The following PTGIR variants were observed in gnomAD, a reference collection of about 807,000 sequenced individuals.
PTGIR encodes the protein prostacyclin receptor.
A neutral mutation model predicts 17.6 loss-of-function variants in PTGIR; 16 were observed. The ratio of observed to expected loss-of-function variants is 0.91; its 90% confidence interval spans 0.61 to 1.38. The LOEUF (loss-of-function observed/expected upper bound fraction) is 1.38, where lower values mean the gene tolerates loss of function less well. Ranked by LOEUF, PTGIR falls within the 40% of genes most tolerant of loss-of-function variation. The pLI is 0.00. For synonymous variants in PTGIR, 274 were observed against 255.4 expected (o/e 1.07, Z -0.69); for missense variants, 532 against 548.6 (o/e 0.97, Z 0.30).
At chr19:46,615,784 G>A (rs1971953606), downstream of PTGIR, among the ~76,000 whole-genome samples, 1 of 150,902 alleles carries the variant, frequency 6.6e-6, no homozygotes, top group African/African-American at 2.4e-5. Flanking sequence ...GGGATTACAG[G>A]AGTGAGCCCC....
the PTGIR span, among the ~76,000 whole-genome samples, chr19:46,613,128 C>G: frequency 4.9e-5 from 7 of 143,372 alleles, no homozygotes; most frequent in Admixed American, 1.5e-4. Flanking sequence ...ACTGCAACCT[C>G]TGCCTCCCAG....
Position 46,621,149 on chromosome 19 carries a change from G to A in PTGIR, c.*131C>T. On this transcript the variant is annotated 3_prime_UTR_variant, in exon 3 of 3. Coordinates refer to ENST00000291294, the MANE Select transcript of PTGIR (RefSeq NM_000960.4). The surrounding 1 kb of genome is among the most constrained non-coding windows in gnomAD (Gnocchi z 4.8). The stretch of plus-strand genomic sequence containing the variant: ...CAGCAGCGACTGCCCTGCCGCAGGA[G>A]AAACAGCAGCTGATCGGCCCCAGAG... 1.4e-6 allele frequency: 2 copies of A among 1,381,646 alleles called. No homozygotes were observed. The highest frequency in any genetic ancestry group is 1.9e-6 in the Non-Finnish European group (2 of 1,064,430). The allele number at this position is 1,381,646 out of a possible 1,614,324, so 85.6% of individuals were successfully genotyped here.
chr19:46,613,887 C>A, the PTGIR span, among the ~76,000 whole-genome samples: 77 of 152,212 alleles, frequency 5.1e-4, no homozygotes, highest in African/African-American at 1.7e-3. Flanking sequence ...CACCGCATCC[C>A]GGTACCCATG....
chr19:46,623,453 C>T lies in PTGIR; in HGVS notation c.768+5G>A. 1 of 1,542,078 alleles carries T rather than the reference C, an allele frequency of 6.5e-7. No homozygotes were observed. The highest frequency in any genetic ancestry group is 8.8e-7 in the Non-Finnish European group (1 of 1,140,284). On this transcript the variant is annotated splice_donor_5th_base_variant and intron_variant, in intron 2 of 2. Coordinates refer to ENST00000291294, the MANE Select transcript of PTGIR (RefSeq NM_000960.4). ...CCACTCCTCCCAGCTCCGGAGGGGA[C>T]TCACCGTGAGAGGCAGGGAGCACAC... is the stretch of plus-strand genomic sequence containing the variant.
At chr19:46,620,275 AT>A (rs200991310), downstream of PTGIR, among the ~76,000 whole-genome samples, 1,340 of 152,058 alleles carry the variant, frequency 8.8e-3, 54 homozygotes, top group Admixed American at 0.062. Flanking sequence ...AATTTTTAAA[AT>A]TTTTTTGTAG....
downstream of PTGIR, among the ~76,000 whole-genome samples, chr19:46,616,522 T>C (rs569108902): frequency 2.1e-4 from 32 of 151,834 alleles, no homozygotes; most frequent in Non-Finnish European, 4.4e-4. Context: ...TTAGTAGAGA[T>C]GGGATTTCAC....
Position 46,624,092 on chromosome 19 carries a change from C to G in PTGIR, c.134G>C (p.Arg45Pro), listed in dbSNP as rs191058123. 2 of 1,539,768 alleles carry G rather than the reference C, an allele frequency of 1.3e-6. No homozygotes were observed. The highest frequency in any genetic ancestry group is 3.9e-5 in the Admixed American group (2 of 51,222). Residue 45 changes from arginine to proline, a missense_variant, in exon 2 of 3, where the codon CGC becomes CCC. Coordinates refer to ENST00000291294, the MANE Select transcript of PTGIR (RefSeq NM_000960.4). ...LGILSARRPA[R>P]PSAFAVLVTG... ...CACCAGCACCGCGAAGGCCGAGGGGCGCGCCGGTCGCCGTGCGCTCAGGAT... is the reference window on the plus strand; with the variant it reads ...CACCAGCACCGCGAAGGCCGAGGGGGGCGCCGGTCGCCGTGCGCTCAGGAT...
chr19:46,624,694 A>C (rs2052782662), intron 1 of PTGIR: 1 of 153,312 alleles, frequency 6.5e-6, no homozygotes, highest in Non-Finnish European at 1.4e-5. Flanking sequence ...ACCTCAGGTG[A>C]TCCATCCACC....
At chr19:46,623,402 C>T in intron 2 of PTGIR, 56 bp downstream of exon 2, 1 of 1,454,272 alleles carries the variant, frequency 6.9e-7, no homozygotes, top group Non-Finnish European at 9.1e-7. Context: ...ATGGGCACAA[C>T]CCACAGAGCT....
At position 46,623,676 on chromosome 19, in the gene PTGIR, A is replaced by G; in HGVS notation, c.550T>C (p.Phe184Leu). ...MRWAQPGGAA[F>L]SLAYAGLVAL... ...ACCAGGCCGGCGTAGGCCAGCGAGAAGGCGGCGCCGCCCGGCTGGGCCCAG... is the reference window on the plus strand; with the variant it reads ...ACCAGGCCGGCGTAGGCCAGCGAGAGGGCGGCGCCGCCCGGCTGGGCCCAG... The change falls in exon 2 of 3, where the codon TTC becomes CTC. Residue 184 changes from phenylalanine to leucine, a missense_variant. Physicochemically the swap from Phe to Leu is conservative, Grantham distance 22. Coordinates refer to ENST00000291294, the MANE Select transcript of PTGIR (RefSeq NM_000960.4). The G allele has an allele frequency of 6.4e-7, 1 of 1,550,472 alleles. No homozygotes were observed. The highest frequency in any genetic ancestry group is 8.7e-7 in the Non-Finnish European group (1 of 1,150,348).
chr19:46,620,775 C>T lies in PTGIR; in HGVS notation c.*505G>A, dbSNP rs200134615. 5.2e-5 allele frequency: 51 copies of T among 985,958 alleles called. No homozygotes were observed. The highest frequency in any genetic ancestry group is 8.7e-5 in the African/African-American group (5 of 57,244). The allele number at this position is 985,958 out of a possible 1,614,324, so 61.1% of individuals were successfully genotyped here. A position where few individuals can be genotyped will look rare whatever the true frequency, so the allele number is the denominator to read the frequency against. ...GCTCCCAAGCCTGGTGGGGGACCAG[C>T]GGCAAGGGAAGGCAGGGAGCTTTTC... On this transcript the variant is annotated 3_prime_UTR_variant, in exon 3 of 3. Coordinates refer to ENST00000291294, the MANE Select transcript of PTGIR (RefSeq NM_000960.4).
chr19:46,616,866 C>T (rs747518839), downstream of PTGIR, among the ~76,000 whole-genome samples: 17 of 152,222 alleles, frequency 1.1e-4, no homozygotes, highest in Non-Finnish European at 2.1e-4. Flanking sequence ...TACAGTAGTC[C>T]CTCAACAAGA....
In PTGIR at chr19:46,623,619, T is replaced by C; in HGVS notation, c.607A>G (p.Asn203Asp). 6.5e-7 allele frequency: 1 copy of C among 1,549,814 alleles called. No homozygotes were observed. The highest frequency in any genetic ancestry group is 1.2e-5 in the South Asian group (1 of 84,238). The change falls in exon 2 of 3, where the codon AAC becomes GAC. Residue 203 changes from asparagine to aspartate, a missense_variant. Physicochemically the swap from Asn to Asp is conservative, Grantham distance 23. Coordinates refer to ENST00000291294, the MANE Select transcript of PTGIR (RefSeq NM_000960.4). Reference sequence around the variant, plus strand: ...CAGAGGCTGAGGGTGACCGAGCCGTTGCAGAGGAAGATGGCAGCCACCAGC... The same window carrying C: ...CAGAGGCTGAGGGTGACCGAGCCGTCGCAGAGGAAGATGGCAGCCACCAGC... ...ALLVAAIFLC[N>D]GSVTLSLCRM...
the PTGIR span, among the ~76,000 whole-genome samples, chr19:46,612,430 A>T: frequency 1.3e-5 from 2 of 152,152 alleles, no homozygotes; most frequent in African/African-American, 2.4e-5. Flanking sequence ...CTGCCTTTGA[A>T]GCTCTGCATC....
At chr19:46,615,125 G>T in the PTGIR span, among the ~76,000 whole-genome samples, 1 of 152,096 alleles carries the variant, frequency 6.6e-6, no homozygotes, top group East Asian at 1.9e-4. Context: ...GGAGGTGGAG[G>T]TTGCAGTGAG....
At position 46,621,783 on chromosome 19, in the gene PTGIR, G is replaced by A; in HGVS notation, c.769-111C>T. On this transcript the variant is annotated intron_variant, in intron 2 of 2. Transcript: ENST00000291294. The surrounding 1 kb of genome is among the most constrained non-coding windows in gnomAD (Gnocchi z 4.8). ...GATGAGGTAGGGGTGACATGTCAGA[G>A]GGGAAGGAGATAAGATAAAGACTAA... The A allele has an allele frequency of 6.8e-7, 1 of 1,462,822 alleles. No individual in the cohort carries two copies. The highest frequency in any genetic ancestry group is 1.4e-5 in the South Asian group (1 of 69,650). 90.6% of individuals were successfully genotyped at this position (1,462,822 alleles called of 1,614,324 possible).
the PTGIR span, chr19:46,614,448 A>C: frequency 1.0e-6 from 1 of 985,188 alleles, no homozygotes; most frequent in Non-Finnish European, 1.2e-6. Flanking sequence ...AAAGAAAGAA[A>C]TCGTAAAATG....
chr19:46,613,849 C>G, the PTGIR span, among the ~76,000 whole-genome samples: 3 of 152,218 alleles, frequency 2.0e-5, no homozygotes, highest in Non-Finnish European at 2.9e-5. Flanking sequence ...GCCCAGCGCA[C>G]TCGGATCCCA....
intron 2 of PTGIR, chr19:46,622,528 T>A: frequency 2.6e-6 from 1 of 383,334 alleles, no homozygotes; most frequent in Non-Finnish European, 3.5e-6. Context: ...GCTCAATGAG[T>A]GGTGGTCTTG....
Sources: allele counts gnomAD v4.1 joint callset (sites outside exome capture counted in the v4.1 genomes callset), GRCh38; gene constraint gnomAD v4.1.1; non-coding constraint Gnocchi (gnomAD v3.1); transcripts MANE v1.5; gene names NCBI Gene and HGNC (gene_info 2026-07-23, HGNC 2026-07-21).